LRRC9: variants seen among roughly 807,000 people sequenced by gnomAD.
The protein encoded by LRRC9 is leucine-rich repeat-containing protein 9.
In LRRC9, 122 loss-of-function variants were observed where a neutral mutation model predicts 63.2. That is an observed-to-expected ratio of 1.93 (90% confidence interval 1.67 to 2.24). The LOEUF is 2.24. Among genes scored for constraint, LRRC9 ranks in the 30% most tolerant of loss-of-function variants. The pLI, the probability that LRRC9 is intolerant of heterozygous loss-of-function variation, is 0.00. For missense variants in LRRC9, 1,071 were observed against 627.7 expected, an observed-to-expected ratio of 1.71 and a Z score of -7.55; for synonymous variants, 366 against 213.1, an observed-to-expected ratio of 1.72 and a Z score of -6.25.
intron 9 of LRRC9, among the ~76,000 whole-genome samples, chr14:59,960,521 G>A (rs1884243013): frequency 6.6e-6 from 1 of 152,148 alleles, no homozygotes; most frequent in Non-Finnish European, 1.5e-5. Context: ...TTTTTACTTT[G>A]TGCCAGACTC....
At chr14:60,043,603 A>G (rs1053443325) in intron 29 of LRRC9, among the ~76,000 whole-genome samples, 3 of 152,058 alleles carry the variant, frequency 2.0e-5, no homozygotes, top group Non-Finnish European at 2.9e-5. Flanking sequence ...ATTGATCTGC[A>G]TATGTTGAGC....
At position 60,006,099 on chromosome 14, in the gene LRRC9, T is replaced by C. The variant is rs144580743; in HGVS notation, c.2843-298T>C. Among the ~76,000 whole-genome samples, 243 of 152,256 alleles carry C rather than the reference T, an allele frequency of 1.6e-3. 2 individuals carry two copies. Among genetic ancestry groups the C allele is most frequent in the African/African-American group, 5.1e-3 (213 of 41,580 alleles). On this transcript the variant is annotated intron_variant, in intron 21 of 31. Coordinates refer to ENST00000445360, the Ensembl canonical transcript of LRRC9. Reference sequence around the variant, plus strand: ...ATGAAAATCTTAATTAATTACATCATTTTAAGGTTATTTGAAAGAGAAATT... The same window carrying C: ...ATGAAAATCTTAATTAATTACATCACTTTAAGGTTATTTGAAAGAGAAATT...
rs776000065 is a variant in LRRC9 at position 60,051,686 on chromosome 14, TACAG to T, written c.3991-1373_3991-1370del. Reference sequence around the variant, plus strand: ...ATTCAACCCCCTTCCTAGGGGAATGTACAGACAGATCTACTGCCTTGCCAGAATC... The same window carrying T: ...ATTCAACCCCCTTCCTAGGGGAATGTACAGATCTACTGCCTTGCCAGAATC... On this transcript the variant is annotated intron_variant, in intron 29 of 31. Coordinates refer to ENST00000445360, the Ensembl canonical transcript of LRRC9. This position sits in a 1 kb window ranked among gnomAD's most constrained non-coding sequence, Gnocchi z 4.7. Among the ~76,000 whole-genome samples the T allele has an allele frequency of 2.0e-5, 3 of 152,154 alleles. No homozygotes were observed. The highest frequency in any genetic ancestry group is 4.4e-5 in the Non-Finnish European group (3 of 68,044).
chr14:59,979,303 A>T (rs939827373), intron 15 of LRRC9, among the ~76,000 whole-genome samples: 3 of 152,174 alleles, frequency 2.0e-5, no homozygotes, highest in Non-Finnish European at 2.9e-5. Flanking sequence ...ATTTTCTGTC[A>T]CTTGCCTTTT....
intron 29 of LRRC9, among the ~76,000 whole-genome samples, chr14:60,032,340 G>C (rs774886184): frequency 6.6e-6 from 1 of 151,914 alleles, no homozygotes; most frequent in Admixed American, 6.6e-5. Context: ...TTGATGTTTT[G>C]TAGTAAGCCT....
At chr14:60,010,720 AC>A (rs1890194112) in intron 23 of LRRC9, among the ~76,000 whole-genome samples, 1 of 152,054 alleles carries the variant, frequency 6.6e-6, no homozygotes, top group Non-Finnish European at 1.5e-5. Context: ...CAAATTTTTC[AC>A]CAGATACCCT....
At position 59,996,276 on chromosome 14, in the gene LRRC9, A is replaced by T. The variant is rs564029105; in HGVS notation, c.2212-1380A>T. On this transcript the variant is annotated intron_variant, in intron 17 of 31. Coordinates refer to ENST00000445360, the Ensembl canonical transcript of LRRC9. ...TTTCGTTCAAGAAATGATGATAGGA[A>T]GTGATAGTTTTTGTTTTGTTTTGCT... Among the ~76,000 whole-genome samples the T allele has an allele frequency of 1.6e-4, 24 of 152,292 alleles. No homozygotes were observed. In the South Asian group the frequency reaches 1.7e-3, roughly 11 times the overall value.
At chr14:60,007,509 T>C (rs961369597) in intron 22 of LRRC9, among the ~76,000 whole-genome samples, 5 of 152,190 alleles carry the variant, frequency 3.3e-5, no homozygotes, top group Non-Finnish European at 5.9e-5. Context: ...TCTCAGAAAG[T>C]AGAAGCACTT....
chr14:60,009,835 C>A (rs190169215), intron 23 of LRRC9, among the ~76,000 whole-genome samples: 21 of 152,324 alleles, frequency 1.4e-4, no homozygotes, highest in African/African-American at 4.1e-4. Flanking sequence ...AAAGGGGCTA[C>A]AGGCCGCATG....
exon 16 of LRRC9, chr14:59,981,854 G>C (rs34896205): frequency 0.011 from 7,917 of 692,360 alleles, 61 homozygotes; most frequent in Non-Finnish European, 0.016. Context: ...TTAGGTCAAG[G>C]CACCCTCTTT....
chr14:60,009,577 C>T (rs978495095), intron 23 of LRRC9, among the ~76,000 whole-genome samples: 1 of 152,162 alleles, frequency 6.6e-6, no homozygotes, highest in East Asian at 1.9e-4. Context: ...CCATATCATT[C>T]CAACCCTGGC....
At chr14:59,978,210 A>G (rs1886528178) in intron 15 of LRRC9, 78 bp downstream of exon 15, 1 of 663,652 alleles carries the variant, frequency 1.5e-6, no homozygotes, top group East Asian at 2.8e-5. Context: ...AAGTCGAATA[A>G]TGCTATGTCA....
At chr14:59,921,717 A>ATT (rs57938700) in intron 1 of LRRC9, among the ~76,000 whole-genome samples, 1,338 of 121,126 alleles carry the variant, frequency 0.011, 30 homozygotes, top group African/African-American at 0.034. Flanking sequence ...GGGCAGTTGG[A>ATT]TTTTTTTTTT....
At chr14:60,009,597 A>G (rs1890094336) in intron 23 of LRRC9, among the ~76,000 whole-genome samples, 1 of 152,116 alleles carries the variant, frequency 6.6e-6, no homozygotes, top group Non-Finnish European at 1.5e-5. Context: ...CCCTTCCCAA[A>G]TCTCATGTCC....
intron 26 of LRRC9, among the ~76,000 whole-genome samples, chr14:60,020,201 A>C (rs891916544): frequency 3.9e-5 from 6 of 151,912 alleles, no homozygotes; most frequent in African/African-American, 1.2e-4. Flanking sequence ...AATTGGAATT[A>C]TGTAGTAAGT....
Position 60,036,152 on chromosome 14 carries a change from C to T in LRRC9, c.3990+4089C>T, listed in dbSNP as rs190771637. The stretch of plus-strand genomic sequence containing the variant: ...AGGGTACTGGTCCCATCACAAGGAC[C>T]CCATCCTGATGACCTCATCTAAACA... On this transcript the variant is annotated intron_variant, in intron 29 of 31. Transcript: ENST00000445360. Among the ~76,000 whole-genome samples, 240 of 152,180 alleles carry T rather than the reference C, an allele frequency of 1.6e-3. 2 individuals are homozygous for T. Among genetic ancestry groups the T allele is most frequent in the African/African-American group, 5.1e-3 (210 of 41,514 alleles).
intron 18 of LRRC9, 110 bp from the exon 19 acceptor site, chr14:59,998,991 A>T (rs1889088370): frequency 2.0e-6 from 1 of 508,190 alleles, no homozygotes; most frequent in Admixed American, 3.5e-5. Flanking sequence ...ATATGTAATG[A>T]ACAAGGAAAT....
At chr14:59,969,466 T>C (rs1441122808) in intron 12 of LRRC9, 1 of 152,230 alleles carries the variant, frequency 6.6e-6, no homozygotes, top group Non-Finnish European at 1.5e-5. Context: ...ATTTCTGTGC[T>C]ATGATGTGTA....
chr14:59,927,829 A>G lies in LRRC9; in HGVS notation c.-33-82A>G. The G allele has an allele frequency of 1.9e-6, 1 of 528,322 alleles. No individual in the cohort carries two copies. The highest frequency in any genetic ancestry group is 3.3e-6 in the Non-Finnish European group (1 of 301,738). The allele number at this position is 528,322 out of a possible 1,614,324, so 32.7% of individuals were successfully genotyped here. On this transcript the variant is annotated intron_variant, in intron 1 of 31. Transcript: ENST00000445360. This position sits in a 1 kb window ranked among gnomAD's most constrained non-coding sequence, Gnocchi z 4.4. ...TTTCAAACTACAGTTGGGTGGTTCA[A>G]CCTCAGTAGCTTTAAGGTCTATTTC... is the stretch of plus-strand genomic sequence containing the variant.
Sources: gnomAD v4.1 joint callset for allele counts (sites outside exome capture counted in the v4.1 genomes callset) on GRCh38, gnomAD v4.1.1 for gene constraint, Gnocchi (gnomAD v3.1) non-coding constraint, MANE v1.5 for transcripts, NCBI Gene and HGNC (gene_info 2026-07-23, HGNC 2026-07-21) for gene names.